POFUT3: variants seen among roughly 807,000 people sequenced by gnomAD.
The protein encoded by POFUT3 is GDP-fucose protein O-fucosyltransferase 3.
At chr8:33,422,297 C>A in the POFUT3 span, among the ~76,000 whole-genome samples, 7 of 151,656 alleles carry the variant, frequency 4.6e-5, no homozygotes, top group African/African-American at 1.7e-4. Context: ...AATCCCAGCA[C>A]TTTGGGAGGC....
At chr8:33,388,579 C>T in the POFUT3 span, among the ~76,000 whole-genome samples, 1 of 152,022 alleles carries the variant, frequency 6.6e-6, no homozygotes, top group Non-Finnish European at 1.5e-5. Context: ...TCAAGTGATC[C>T]ACCCACCTCA....
the POFUT3 span, among the ~76,000 whole-genome samples, chr8:33,447,428 G>A: frequency 6.7e-6 from 1 of 149,280 alleles, no homozygotes; most frequent in Non-Finnish European, 1.5e-5. Flanking sequence ...CAGCCTGGGC[G>A]ACAGGGCAAG....
At chr8:33,387,425 C>T in the POFUT3 span, among the ~76,000 whole-genome samples, 1 of 152,168 alleles carries the variant, frequency 6.6e-6, no homozygotes, top group African/African-American at 2.4e-5. Flanking sequence ...ATTTCACACA[C>T]TGTTTAGGTT....
the POFUT3 span, among the ~76,000 whole-genome samples, chr8:33,337,907 C>T: frequency 6.6e-6 from 1 of 152,172 alleles, no homozygotes; most frequent in African/African-American, 2.4e-5. Context: ...GATCTATGGC[C>T]ACATGCAGAT....
At chr8:33,392,194 C>A in the POFUT3 span, among the ~76,000 whole-genome samples, 2 of 152,148 alleles carry the variant, frequency 1.3e-5, no homozygotes, top group African/African-American at 4.8e-5. Context: ...ACCACACATG[C>A]GTGCGCATGT....
chr8:33,469,803 C>CTTTCT, the POFUT3 span, among the ~76,000 whole-genome samples: 4 of 108,764 alleles, frequency 3.7e-5, no homozygotes, highest in Admixed American at 1.2e-4. Flanking sequence ...TTTACTTTTT[C>CTTTCT]TTTTTTTTTT....
chr8:33,426,447 C>A, the POFUT3 span, among the ~76,000 whole-genome samples: 9 of 152,132 alleles, frequency 5.9e-5, no homozygotes, highest in Admixed American at 5.9e-4. Context: ...ACAGTGAAGA[C>A]ACAAAGAAGC....
At chr8:33,328,703 A>T in the POFUT3 span, among the ~76,000 whole-genome samples, 2 of 152,326 alleles carry the variant, frequency 1.3e-5, no homozygotes, top group Non-Finnish European at 1.5e-5. Flanking sequence ...ACAACCCTTT[A>T]TTAGCTGGTG....
the POFUT3 span, among the ~76,000 whole-genome samples, chr8:33,458,761 A>C: frequency 2.5e-4 from 38 of 152,134 alleles, no homozygotes; most frequent in Non-Finnish European, 8.8e-5. Context: ...TCCCACAGAA[A>C]GCAGCAGAAA....
At chr8:33,362,595 A>AG in the POFUT3 span, among the ~76,000 whole-genome samples, 80 of 127,160 alleles carry the variant, frequency 6.3e-4, 1 homozygote, top group African/African-American at 3.3e-3. Context: ...AATGGAAAGC[A>AG]AAAAAAAAAA....
At chr8:33,362,682 A>G in the POFUT3 span, among the ~76,000 whole-genome samples, 3 of 152,324 alleles carry the variant, frequency 2.0e-5, no homozygotes, top group Admixed American at 2.0e-4. Context: ...AAAGGCCATT[A>G]CATAATGGTA....
the POFUT3 span, chr8:33,436,586 A>T: frequency 1.1e-6 from 1 of 898,876 alleles, no homozygotes; most frequent in East Asian, 2.5e-5. Flanking sequence ...ATGTGCACAA[A>T]GCCATAATTC....
the POFUT3 span, among the ~76,000 whole-genome samples, chr8:33,439,735 C>T: frequency 8.5e-5 from 13 of 152,104 alleles, no homozygotes; most frequent in East Asian, 2.5e-3. Flanking sequence ...GGTACAGTGG[C>T]AGGCACCTAT....
the POFUT3 span, among the ~76,000 whole-genome samples, chr8:33,456,670 T>A: frequency 6.6e-6 from 1 of 151,878 alleles, no homozygotes; most frequent in East Asian, 1.9e-4. Flanking sequence ...AATCAGCCAA[T>A]CCCACACTCT....
chr8:33,462,682 C>A, the POFUT3 span, among the ~76,000 whole-genome samples: 6 of 152,138 alleles, frequency 3.9e-5, no homozygotes, highest in Non-Finnish European at 7.3e-5. Flanking sequence ...TTAATCACAG[C>A]ACTTTGGGAG....
At chr8:33,376,122 A>C in the POFUT3 span, among the ~76,000 whole-genome samples, 1 of 152,146 alleles carries the variant, frequency 6.6e-6, no homozygotes, top group African/African-American at 2.4e-5. Flanking sequence ...GGAAGGACAG[A>C]AAAGGGAAAA....
chr8:33,387,889 G>A, the POFUT3 span, among the ~76,000 whole-genome samples: 3 of 152,184 alleles, frequency 2.0e-5, no homozygotes, highest in East Asian at 5.8e-4. Context: ...TGATAGGCAA[G>A]TGCTATGAGT....
At chr8:33,347,457 G>A in the POFUT3 span, among the ~76,000 whole-genome samples, 2 of 152,140 alleles carry the variant, frequency 1.3e-5, no homozygotes, top group Admixed American at 6.5e-5. Flanking sequence ...TTGAGGCATT[G>A]GCACATGAAA....
At chr8:33,341,033 T>C in the POFUT3 span, among the ~76,000 whole-genome samples, 1 of 152,196 alleles carries the variant, frequency 6.6e-6, no homozygotes, top group Non-Finnish European at 1.5e-5. Flanking sequence ...ATAGGCCATA[T>C]ATCTAGGATC....
Sources: allele counts gnomAD v4.1 joint callset (sites outside exome capture counted in the v4.1 genomes callset), GRCh38; gene constraint gnomAD v4.1.1; transcripts MANE v1.5; gene names NCBI Gene and HGNC (gene_info 2026-07-23, HGNC 2026-07-21).